Variants in NIPSNAP3B observed in about 807,000 individuals in gnomAD.
NIPSNAP3B encodes the protein protein NipSnap homolog 3B.
In NIPSNAP3B, 30 loss-of-function variants were observed where a neutral mutation model predicts 31.5. The observed-to-expected ratio is 0.95, with a 90% CI of 0.71 to 1.29. The LOEUF is 1.29. Ranked by LOEUF, NIPSNAP3B falls within the 50% of genes most tolerant of loss-of-function variation. NIPSNAP3B has a pLI of 0.00. For missense variants in NIPSNAP3B, 269 were observed against 300.7 expected (o/e 0.89, Z 0.78); for synonymous variants, 106 against 107.9 (o/e 0.98, Z 0.11).
At chr9:104,772,373 A>G (rs1005849753) in intron 4 of NIPSNAP3B, among the ~76,000 whole-genome samples, 2 of 152,162 alleles carry the variant, frequency 1.3e-5, no homozygotes, top group Non-Finnish European at 2.9e-5. Context: ...GTTACTAAGT[A>G]TAATATACAC....
At chr9:104,786,671 T>C in the NIPSNAP3B span, among the ~76,000 whole-genome samples, 5 of 152,358 alleles carry the variant, frequency 3.3e-5, no homozygotes, top group East Asian at 9.6e-4. Context: ...TGACTTGGAA[T>C]AATGTTTACA....
At chr9:104,778,418 A>T (rs953245941), downstream of NIPSNAP3B, among the ~76,000 whole-genome samples, 2 of 151,992 alleles carry the variant, frequency 1.3e-5, no homozygotes, top group Non-Finnish European at 2.9e-5. Context: ...TTTATTAGAG[A>T]TGGGGTTTCA....
the NIPSNAP3B span, chr9:104,783,993 C>CA: frequency 0.049 from 6,564 of 134,996 alleles, 20 homozygotes; most frequent in African/African-American, 0.072. Flanking sequence ...TACACAGGAA[C>CA]AAAAAAAAAA....
the NIPSNAP3B span, chr9:104,788,712 G>A: frequency 5.5e-6 from 6 of 1,089,936 alleles, no homozygotes; most frequent in Non-Finnish European, 8.1e-6. Flanking sequence ...CAGCCTTTCT[G>A]CCCCCAGGAT....
the NIPSNAP3B span, chr9:104,784,296 C>A: frequency 1.1e-4 from 175 of 1,613,984 alleles, 4 homozygotes; most frequent in South Asian, 1.0e-3. Context: ...TTTCAGCCAC[C>A]CCGTATGAAC....
intron 1 of NIPSNAP3B, among the ~76,000 whole-genome samples, 155 bp downstream of exon 1, chr9:104,764,455 C>T (rs947297716): frequency 2.6e-5 from 4 of 152,246 alleles, no homozygotes; most frequent in African/African-American, 7.2e-5. Context: ...CCGTCTGGCG[C>T]GCAAGGAGGA....
chr9:104,767,505 T>A (rs1348614025), intron 2 of NIPSNAP3B, among the ~76,000 whole-genome samples: 3 of 152,142 alleles, frequency 2.0e-5, no homozygotes, highest in Non-Finnish European at 4.4e-5. Flanking sequence ...AAGTTAATAG[T>A]CATAAAGTAA....
the NIPSNAP3B span, chr9:104,788,137 T>C: frequency 1.4e-6 from 2 of 1,427,068 alleles, no homozygotes; most frequent in South Asian, 2.3e-5. Flanking sequence ...ATGAAAGTTC[T>C]TTCACTGAGT....
downstream of NIPSNAP3B, among the ~76,000 whole-genome samples, chr9:104,779,458 C>G (rs988208360): frequency 1.2e-4 from 19 of 152,264 alleles, no homozygotes; most frequent in Non-Finnish European, 2.5e-4. Flanking sequence ...AAAAAGAACC[C>G]TCTGCCACTT....
chr9:104,765,177 T>G (rs1828063752), intron 1 of NIPSNAP3B, among the ~76,000 whole-genome samples: 1 of 152,244 alleles, frequency 6.6e-6, no homozygotes, highest in Non-Finnish European at 1.5e-5. Context: ...TAACTCATAC[T>G]GGAGATGAAT....
chr9:104,766,305 A>G lies in NIPSNAP3B; in HGVS notation c.61-20A>G. ...AATTGTACCTTCCCAAGATATTTAC[A>G]TTTGTCTTACCTCCTTCAGGTGTGT... On this transcript the variant is annotated intron_variant, in intron 1 of 5. Transcript: ENST00000374762. 1 of 1,602,284 alleles carries G rather than the reference A, an allele frequency of 6.2e-7. No homozygotes were observed. Among genetic ancestry groups the G allele is most frequent in the Non-Finnish European group, 8.5e-7 (1 of 1,170,340 alleles).
At chr9:104,772,208 G>GTTTTTTTTTTTT (rs56851362) in intron 4 of NIPSNAP3B, among the ~76,000 whole-genome samples, 1 of 136,728 alleles carries the variant, frequency 7.3e-6, no homozygotes. Context: ...TTTTTTTTTT[G>GTTTTTTTTTTTT]TTTTTTTTTT....
the NIPSNAP3B span, among the ~76,000 whole-genome samples, chr9:104,784,800 T>C: frequency 6.9e-3 from 1,046 of 152,154 alleles, 16 homozygotes; most frequent in African/African-American, 0.023. Context: ...CGCACCACCA[T>C]GCCCAGCTAA....
chr9:104,775,418 C>T lies in NIPSNAP3B; in HGVS notation c.*2345C>T, dbSNP rs959346203. Among the ~76,000 whole-genome samples the T allele has an allele frequency of 1.3e-5, 2 of 152,028 alleles. No individual in the cohort carries two copies. Among genetic ancestry groups the T allele is most frequent in the African/African-American group, 4.8e-5 (2 of 41,394 alleles). ...CTTCTGGGAAGTTTCTTCGTTTCTC[C>T]GAAACACTCACTGCACAAGCCTTCA... On this transcript the variant is annotated 3_prime_UTR_variant, in exon 6 of 6. Transcript: ENST00000374762.
the NIPSNAP3B span, chr9:104,787,689 C>A: frequency 1.7e-5 from 4 of 237,366 alleles, no homozygotes; most frequent in Non-Finnish European, 2.1e-5. Flanking sequence ...CTCAATCACG[C>A]TAAGAAACAA....
rs966914139 is a variant in NIPSNAP3B at position 104,768,783 on chromosome 9, G to T, written c.272-80G>T. On this transcript the variant is annotated intron_variant, in intron 2 of 5. Transcript: ENST00000374762. ...GGTTCCCATATGGCCTTGCACGTTT[G>T]CTGAACTGAGTAAAATTCAAGTAAA... The T allele has an allele frequency of 3.8e-6, 5 of 1,318,408 alleles. No individual in the cohort carries two copies. The African/African-American group carries it at 5.9e-5, about 16-fold the overall frequency. The allele number at this position is 1,318,408 out of a possible 1,614,324, so 81.7% of individuals were successfully genotyped here. A position where few individuals can be genotyped will look rare whatever the true frequency, so the allele number is the denominator to read the frequency against.
downstream of NIPSNAP3B, among the ~76,000 whole-genome samples, chr9:104,780,121 C>T (rs1245998657): frequency 6.6e-6 from 1 of 152,104 alleles, no homozygotes; most frequent in Non-Finnish European, 1.5e-5. Flanking sequence ...AAGTTTTTTC[C>T]TCTCCCTCGT....
the NIPSNAP3B span, among the ~76,000 whole-genome samples, chr9:104,785,006 C>T: frequency 6.6e-6 from 1 of 152,122 alleles, no homozygotes; most frequent in African/African-American, 2.4e-5. Flanking sequence ...CATCCATTTA[C>T]TTTGGCACAT....
chr9:104,785,246 G>C, the NIPSNAP3B span: 1 of 1,005,228 alleles, frequency 9.9e-7, no homozygotes, highest in Non-Finnish European at 1.5e-6. Context: ...CAGGTTCAGA[G>C]AGGTTTAGTA....
Sources: gnomAD v4.1 joint callset for allele counts (sites outside exome capture counted in the v4.1 genomes callset) on GRCh38, gnomAD v4.1.1 for gene constraint, MANE v1.5 for transcripts, NCBI Gene and HGNC (gene_info 2026-07-23, HGNC 2026-07-21) for gene names.